PXDNL: variants seen among roughly 807,000 people sequenced by gnomAD.
PXDNL encodes the protein peroxidasin like, also known as probable oxidoreductase PXDNL.
A neutral mutation model predicts 150.8 loss-of-function variants in PXDNL; 145 were observed. The observed-to-expected ratio is 0.96, with a 90% CI of 0.84 to 1.10. The LOEUF (loss-of-function observed/expected upper bound fraction) is 1.10. Ranked by LOEUF, PXDNL falls within the 50% of genes least tolerant of loss-of-function variation. The pLI is 0.00. For missense variants in PXDNL, 2,087 were observed against 1,873.9 expected, an observed-to-expected ratio of 1.11 and a Z score of -2.10; for synonymous variants, 757 against 725.7, an observed-to-expected ratio of 1.04 and a Z score of -0.69.
chr8:51,748,776 CT>C (rs1178664242), intron 1 of PXDNL, among the ~76,000 whole-genome samples: 2 of 152,214 alleles, frequency 1.3e-5, no homozygotes, highest in East Asian at 1.9e-4. Flanking sequence ...GTCTTTCCCC[CT>C]GGTTCCTGGG....
At chr8:51,806,298 T>A (rs1208834126) in intron 1 of PXDNL, among the ~76,000 whole-genome samples, 1 of 152,228 alleles carries the variant, frequency 6.6e-6, no homozygotes, top group Admixed American at 6.5e-5. Context: ...TTACTAAGCA[T>A]GTTGGCCATT....
Position 51,411,276 on chromosome 8 carries a change from C to A in PXDNL, c.2036G>T (p.Gly679Val). 6.6e-7 allele frequency: 1 copy of A among 1,519,286 alleles called. No homozygotes were observed. Among genetic ancestry groups the A allele is most frequent in the Non-Finnish European group, 8.8e-7 (1 of 1,136,458 alleles). The allele number at this position is 1,519,286 out of a possible 1,614,324, so 94.1% of individuals were successfully genotyped here. The change falls in exon 16 of 23, where the codon GGG (glycine) becomes GTG (valine). Residue 679 changes from glycine (G) to valine (V), a missense_variant. Physicochemically the swap from Gly to Val is moderately radical, Grantham distance 109. Coordinates refer to ENST00000356297, the MANE Select transcript of PXDNL (RefSeq NM_144651.5). ...LQLIRERVKQGLTVDLEGKEF... is the reference protein window; with the variant it reads ...LQLIRERVKQVLTVDLEGKEF... Reference sequence around the variant, plus strand: ...TTTGCCTTCCAAGTCCACAGTGAGCCCCTGCTTCACACGTTCCCGTATCAG... The same window carrying A: ...TTTGCCTTCCAAGTCCACAGTGAGCACCTGCTTCACACGTTCCCGTATCAG...
chr8:51,592,413 T>C (rs1166429333), intron 3 of PXDNL, among the ~76,000 whole-genome samples: 1 of 152,232 alleles, frequency 6.6e-6, no homozygotes, highest in East Asian at 1.9e-4. Context: ...GCAGGAGAAA[T>C]GTGCATAAAT....
chr8:51,490,818 A>G (rs1474271448), intron 5 of PXDNL, among the ~76,000 whole-genome samples: 6 of 151,808 alleles, frequency 4.0e-5, no homozygotes, highest in African/African-American at 7.3e-5. Flanking sequence ...GTGAAAATTG[A>G]TATCTCCTAC....
intron 1 of PXDNL, among the ~76,000 whole-genome samples, chr8:51,656,772 A>C (rs1815158299): frequency 6.6e-6 from 1 of 152,242 alleles, no homozygotes; most frequent in Non-Finnish European, 1.5e-5. Flanking sequence ...GCTTCTACTC[A>C]TAATTTCACG....
intron 17 of PXDNL, among the ~76,000 whole-genome samples, chr8:51,391,203 T>G (rs1039381031): frequency 6.6e-6 from 1 of 152,198 alleles, no homozygotes; most frequent in African/African-American, 2.4e-5. Context: ...AATAAACATA[T>G]GTGTGCGTGT....
chr8:51,619,234 A>G (rs1814188570), intron 2 of PXDNL, among the ~76,000 whole-genome samples: 1 of 152,214 alleles, frequency 6.6e-6, no homozygotes, highest in Non-Finnish European at 1.5e-5. Flanking sequence ...CCCTAAAGTC[A>G]GCAATAAACC....
chr8:51,754,309 G>A (rs773342872), intron 1 of PXDNL, among the ~76,000 whole-genome samples: 1 of 152,176 alleles, frequency 6.6e-6, no homozygotes. Flanking sequence ...ACTGGGAAGT[G>A]TGGTTTTATG....
At chr8:51,355,864 C>T (rs1425752792) in intron 19 of PXDNL, among the ~76,000 whole-genome samples, 1 of 152,202 alleles carries the variant, frequency 6.6e-6, no homozygotes, top group African/African-American at 2.4e-5. Context: ...AAGACTGTTG[C>T]ATTTGCAATT....
At chr8:51,750,156 A>G (rs1322479292) in intron 1 of PXDNL, among the ~76,000 whole-genome samples, 1 of 151,988 alleles carries the variant, frequency 6.6e-6, no homozygotes. Flanking sequence ...TGTACAAAAA[A>G]ATTTTTATAT....
At chr8:51,415,397 TG>T (rs1322916311) in intron 14 of PXDNL, among the ~76,000 whole-genome samples, 1 of 151,980 alleles carries the variant, frequency 6.6e-6, no homozygotes, top group African/African-American at 2.4e-5. Flanking sequence ...TAGTGGTAGA[TG>T]AAGAGGAAGG....
At chr8:51,367,590 T>C (rs903443225) in intron 19 of PXDNL, among the ~76,000 whole-genome samples, 2 of 152,208 alleles carry the variant, frequency 1.3e-5, no homozygotes, top group East Asian at 1.9e-4. Flanking sequence ...ACCTAGCCTA[T>C]GGACATATAA....
chr8:51,772,529 C>A (rs1231081344), intron 1 of PXDNL, among the ~76,000 whole-genome samples: 2 of 152,182 alleles, frequency 1.3e-5, no homozygotes, highest in East Asian at 3.9e-4. Context: ...CAGGGAGACA[C>A]AGGAACCACC....
At chr8:51,643,146 C>G (rs1308621032) in intron 2 of PXDNL, among the ~76,000 whole-genome samples, 1 of 152,018 alleles carries the variant, frequency 6.6e-6, no homozygotes, top group Non-Finnish European at 1.5e-5. Context: ...CAATGCCATC[C>G]CCATCAAGCT....
chr8:51,490,717 T>C (rs1204950287), intron 5 of PXDNL, among the ~76,000 whole-genome samples: 1 of 106,808 alleles, frequency 9.4e-6, no homozygotes, highest in Non-Finnish European at 1.9e-5. Context: ...CAGTATGTAA[T>C]TGACTTTCTA....
intron 2 of PXDNL, among the ~76,000 whole-genome samples, chr8:51,602,679 T>C (rs1306049411): frequency 6.6e-6 from 1 of 151,706 alleles, no homozygotes; most frequent in African/African-American, 2.4e-5. Flanking sequence ...ACTTAAAAAA[T>C]CCTTTGTCTC....
intron 1 of PXDNL, among the ~76,000 whole-genome samples, chr8:51,698,574 C>A (rs1289448306): frequency 6.6e-6 from 1 of 152,170 alleles, no homozygotes; most frequent in East Asian, 1.9e-4. Context: ...CAAAGTCATC[C>A]ATGAAAGTTG....
intron 1 of PXDNL, among the ~76,000 whole-genome samples, chr8:51,680,279 A>G (rs1024518314): frequency 1.3e-5 from 2 of 152,236 alleles, no homozygotes; most frequent in African/African-American, 2.4e-5. Flanking sequence ...GAGGCTCTTG[A>G]GGTGTGAAAT....
chr8:51,491,347 A>G (rs1810890887), intron 5 of PXDNL, among the ~76,000 whole-genome samples: 1 of 152,206 alleles, frequency 6.6e-6, no homozygotes, highest in South Asian at 2.1e-4. Flanking sequence ...AAAGAATATA[A>G]AAGAGAAATA....
Sources: allele counts gnomAD v4.1 joint callset (sites outside exome capture counted in the v4.1 genomes callset), GRCh38; gene constraint gnomAD v4.1.1; transcripts MANE v1.5; gene names NCBI Gene and HGNC (gene_info 2026-07-23, HGNC 2026-07-21).